Variants in ERMP1 observed in about 807,000 individuals in gnomAD.
ERMP1 encodes endoplasmic reticulum metallopeptidase 1, also known as Felix-ina.
In ERMP1, 86 loss-of-function variants were observed where a neutral mutation model predicts 92.0. That is an observed-to-expected ratio of 0.93 (90% CI 0.79 to 1.12). The LOEUF is 1.12. ERMP1 is among the 50% of genes most tolerant of loss of function. The probability of loss-of-function intolerance (pLI) is 0.00; values close to 1 mark genes in which losing one functional copy is unlikely to be tolerated. For synonymous variants in ERMP1, 530 were observed against 412.8 expected, an observed-to-expected ratio of 1.28 and a Z score of -3.44; for missense variants, 1,342 against 1,116.3, an observed-to-expected ratio of 1.20 and a Z score of -2.88.
intron 2 of ERMP1, among the ~76,000 whole-genome samples, chr9:5,828,436 G>C (rs1366841473): frequency 1.3e-5 from 2 of 152,202 alleles, no homozygotes. Flanking sequence ...GGTTGATCAA[G>C]AAAGACAACT....
chr9:5,854,329 C>T (rs567710276), intron 6 of ERMP1, among the ~76,000 whole-genome samples: 7 of 152,298 alleles, frequency 4.6e-5, no homozygotes, highest in Non-Finnish European at 2.9e-5. Context: ...CATCATAACA[C>T]TCTTCTATTC....
At chr9:5,865,115 C>T (rs1315344414) in intron 5 of ERMP1, among the ~76,000 whole-genome samples, 2 of 147,602 alleles carry the variant, frequency 1.4e-5, no homozygotes, top group Non-Finnish European at 3.0e-5. Flanking sequence ...TAAAAATGAT[C>T]ATCAGGACAT....
upstream of ERMP1, among the ~76,000 whole-genome samples, chr9:5,835,125 G>T (rs1412428220): frequency 6.6e-6 from 1 of 151,938 alleles, no homozygotes; most frequent in African/African-American, 2.4e-5. Context: ...TTCCTATCAT[G>T]ATAATCATAG....
At position 5,798,986 on chromosome 9, in the gene ERMP1, T is replaced by A. The variant is rs1450989019; in HGVS notation, c.2090A>T (p.Asp697Val). 1.9e-6 allele frequency: 3 copies of A among 1,613,474 alleles called. No individual in the cohort carries two copies. Among genetic ancestry groups the A allele is most frequent in the Admixed American group, 3.3e-5 (2 of 59,996 alleles). ...CCGTTTAACTGCATTTCCTTCCAAG[T>A]CATGGAATGTTCTAGTCATATGCTG... Reference protein sequence around the residue: ...FLQHMTRTFHDLEGNAVKRDS... With the variant: ...FLQHMTRTFHVLEGNAVKRDS... The change falls in exon 12 of 15, where the codon GAC (aspartate) becomes GTC (valine). Residue 697 changes from aspartate to valine, a missense_variant. Asp to Val is a radical substitution (Grantham distance 152). Transcript: ENST00000339450.
At chr9:5,814,015 T>C (rs1294009848) in intron 4 of ERMP1, among the ~76,000 whole-genome samples, 1 of 152,052 alleles carries the variant, frequency 6.6e-6, no homozygotes, top group African/African-American at 2.4e-5. Flanking sequence ...GAGTACATAC[T>C]CTTCTGTACC....
intron 5 of ERMP1, among the ~76,000 whole-genome samples, chr9:5,866,227 G>A (rs34347596): frequency 0.013 from 2,044 of 152,294 alleles, 23 homozygotes; most frequent in Non-Finnish European, 0.021. Flanking sequence ...TATATTGTTT[G>A]TAGAACTATT....
chr9:5,857,245 C>T (rs948222310), intron 6 of ERMP1, among the ~76,000 whole-genome samples: 2 of 152,124 alleles, frequency 1.3e-5, no homozygotes, highest in Admixed American at 6.5e-5. Context: ...TGGTCTCAAA[C>T]CCCTGAGCTC....
At chr9:5,852,541 C>A (rs952474260) in intron 6 of ERMP1, among the ~76,000 whole-genome samples, 1 of 151,800 alleles carries the variant, frequency 6.6e-6, no homozygotes, top group African/African-American at 2.4e-5. Flanking sequence ...CAGGTGTGAA[C>A]CACTGTACCC....
intron 6 of ERMP1, among the ~76,000 whole-genome samples, chr9:5,840,025 T>C (rs779406739): frequency 2.6e-5 from 4 of 152,154 alleles, no homozygotes; most frequent in African/African-American, 9.7e-5. Flanking sequence ...GCGAATCACT[T>C]GAGGTCAGGA....
chr9:5,810,299 G>C, intron 7 of ERMP1, 68 bp from the exon 8 acceptor site: 2 of 1,137,308 alleles, frequency 1.8e-6, no homozygotes, highest in Non-Finnish European at 2.6e-6. Flanking sequence ...CCAGTCAGTA[G>C]AGCTAAATGG....
At chr9:5,820,927 G>C (rs1382304444) in intron 4 of ERMP1, among the ~76,000 whole-genome samples, 1 of 152,172 alleles carries the variant, frequency 6.6e-6, no homozygotes, top group Non-Finnish European at 1.5e-5. Flanking sequence ...GCTGGGAAAG[G>C]TATCAGAATG....
intron 10 of ERMP1, among the ~76,000 whole-genome samples, chr9:5,804,252 C>G (rs1301853198): frequency 6.6e-6 from 1 of 152,166 alleles, no homozygotes; most frequent in Non-Finnish European, 1.5e-5. Context: ...AAGAGACCTG[C>G]ATTCTCTGGA....
At chr9:5,795,440 G>C (rs979714943) in intron 13 of ERMP1, among the ~76,000 whole-genome samples, 3 of 152,126 alleles carry the variant, frequency 2.0e-5, no homozygotes, top group Admixed American at 1.3e-4. Flanking sequence ...TTAGGAAGGA[G>C]GAAATAAAAC....
At chr9:5,829,269 C>T (rs1015569877) in intron 2 of ERMP1, among the ~76,000 whole-genome samples, 9 of 150,254 alleles carry the variant, frequency 6.0e-5, no homozygotes, top group African/African-American at 9.8e-5. Flanking sequence ...CAGCAGCACA[C>T]GAAGGTACTT....
chr9:5,842,123 C>G (rs370181535), intron 6 of ERMP1, among the ~76,000 whole-genome samples: 1 of 152,198 alleles, frequency 6.6e-6, no homozygotes, highest in Admixed American at 6.5e-5. Context: ...AGAACAAAGC[C>G]TCCACACAGT....
chr9:5,854,230 T>A (rs1163995462), intron 6 of ERMP1, among the ~76,000 whole-genome samples: 1 of 151,906 alleles, frequency 6.6e-6, no homozygotes, highest in Non-Finnish European at 1.5e-5. Context: ...AGAGAACAGC[T>A]GAGATTTTCC....
Position 5,865,568 on chromosome 9 carries a change from C to G in ERMP1, n.3055+2234G>C, listed in dbSNP as rs1212354155. ...TATATGCAGGCCGGGCGCAGTGGCT[C>G]ACGCCTGTAATCCCAACACTTTCGC... On this transcript the variant is annotated intron_variant and non_coding_transcript_variant, in intron 5 of 6. Transcript: ENST00000690753. Among the ~76,000 whole-genome samples the G allele has an allele frequency of 4.7e-5, 7 of 149,308 alleles. No individual in the cohort carries two copies. The East Asian group carries it at 1.4e-3, about 30-fold the overall frequency.
chr9:5,815,878 G>A (rs1829285065), intron 4 of ERMP1, among the ~76,000 whole-genome samples: 1 of 151,986 alleles, frequency 6.6e-6, no homozygotes, highest in South Asian at 2.1e-4. Context: ...AAAGAACTAT[G>A]ATGATGGGGA....
intron 1 of ERMP1, 163 bp downstream of exon 1, chr9:5,832,527 G>A: frequency 5.6e-6 from 3 of 533,552 alleles, no homozygotes; most frequent in South Asian, 3.1e-5. Flanking sequence ...TCAGACCCCA[G>A]AAGAAGGACA....
Sources: gnomAD v4.1 joint callset for allele counts (sites outside exome capture counted in the v4.1 genomes callset) on GRCh38, gnomAD v4.1.1 for gene constraint, MANE v1.5 for transcripts, NCBI Gene and HGNC (gene_info 2026-07-23, HGNC 2026-07-21) for gene names.